The following CDC42BPB variants were observed in gnomAD, a reference collection of about 807,000 sequenced individuals.
CDC42BPB encodes CDC42 binding protein kinase beta.
Under a neutral mutation model 214.9 loss-of-function variants are expected in CDC42BPB, and 37 were observed. That is an observed-to-expected ratio of 0.17 (90% CI 0.13 to 0.23). The LOEUF is 0.23. CDC42BPB is among the 10% of genes least tolerant of loss of function. The probability of loss-of-function intolerance (pLI) is 1.00; values close to 1 mark genes in which losing one functional copy is unlikely to be tolerated. For synonymous variants in CDC42BPB, 931 were observed against 884.0 expected (o/e 1.05, Z -0.94); for missense variants, 1,694 against 2,227.0 (o/e 0.76, Z 4.82).
At position 102,946,675 on chromosome 14, in the gene CDC42BPB, A is replaced by T; in HGVS notation, c.3541T>A (p.Ser1181Thr). Residue 1181 changes from serine to threonine, a missense_variant, in exon 28 of 37, where the codon TCT (serine) becomes ACT (threonine). This residue lies in a region of CDC42BPB where 567 missense variants were observed against 790.3 expected (regional missense o/e 0.72). Transcript: ENST00000361246. ...DIPCIFRVTA[S>T]LLGAPSKTSS... ...GTCTTAGAAGGTGCACCTAAGAGAGAGGCCGTCACCTTCATGACAGGAAAC... is the reference window on the plus strand; with the variant it reads ...GTCTTAGAAGGTGCACCTAAGAGAGTGGCCGTCACCTTCATGACAGGAAAC... 1 of 1,612,710 alleles carries T rather than the reference A, an allele frequency of 6.2e-7. No individual in the cohort carries two copies. The highest frequency in any genetic ancestry group is 8.5e-7 in the Non-Finnish European group (1 of 1,179,910).
intron 18 of CDC42BPB, among the ~76,000 whole-genome samples, 180 bp downstream of exon 18, chr14:102,966,102 G>C (rs754440155): frequency 6.6e-6 from 1 of 152,234 alleles, no homozygotes; most frequent in African/African-American, 2.4e-5. Context: ...ATGCTGTCGA[G>C]AGAAGCCATG....
intron 1 of CDC42BPB, among the ~76,000 whole-genome samples, chr14:103,013,452 G>C (rs1281783647): frequency 6.6e-6 from 1 of 152,190 alleles, no homozygotes; most frequent in African/African-American, 2.4e-5. Flanking sequence ...GGTTTCTGTG[G>C]GCACTGTACT....
At chr14:103,043,013 T>C (rs1049408602) in intron 1 of CDC42BPB, among the ~76,000 whole-genome samples, 1 of 152,164 alleles carries the variant, frequency 6.6e-6, no homozygotes, top group African/African-American at 2.4e-5. Flanking sequence ...AAAAGGTACT[T>C]TGGGAGGCCC....
chr14:103,005,815 T>A (rs10150679), intron 3 of CDC42BPB, among the ~76,000 whole-genome samples: 5,153 of 149,652 alleles, frequency 0.034, 272 homozygotes, highest in African/African-American at 0.12. Flanking sequence ...AGGTCAGGAG[T>A]TCAAGACCAG....
In CDC42BPB at chr14:102,965,727, C is replaced by T. The variant is rs184631364; in HGVS notation, c.2577+555G>A. Among the ~76,000 whole-genome samples the T allele has an allele frequency of 3.7e-4, 56 of 152,220 alleles. No individual in the cohort carries two copies. The East Asian group carries it at 9.1e-3, about 25-fold the overall frequency. On this transcript the variant is annotated intron_variant, in intron 18 of 36. Transcript: ENST00000361246. ...ATCCCAGCACTTTGGGAGGCCGAAG[C>T]GGGCAGATCACCTGAGGTCAGGGGT...
chr14:102,947,069 C>G (rs1892214355), intron 27 of CDC42BPB, among the ~76,000 whole-genome samples: 2 of 152,366 alleles, frequency 1.3e-5, no homozygotes, highest in African/African-American at 4.8e-5. Context: ...TGAGCAGCCT[C>G]TGAGCACGCA....
intron 4 of CDC42BPB, among the ~76,000 whole-genome samples, chr14:103,002,803 C>A (rs1344666072): frequency 1.3e-5 from 2 of 152,164 alleles, no homozygotes; most frequent in Non-Finnish European, 2.9e-5. Context: ...CGGACGGGGA[C>A]CCCTGTGGGC....
At chr14:103,035,078 C>T (rs1323274789) in intron 1 of CDC42BPB, among the ~76,000 whole-genome samples, 1 of 149,114 alleles carries the variant, frequency 6.7e-6, no homozygotes, top group Admixed American at 6.6e-5. Flanking sequence ...TTTTTTGAGA[C>T]GGAGTTTCGC....
intron 1 of CDC42BPB, among the ~76,000 whole-genome samples, chr14:103,039,286 C>T (rs1447214714): frequency 8.2e-6 from 1 of 122,386 alleles, no homozygotes; most frequent in Non-Finnish European, 1.6e-5. Flanking sequence ...TATCTTGATA[C>T]CAAACCAAAA....
At chr14:102,992,039 CTA>C (rs1894516386) in intron 5 of CDC42BPB, among the ~76,000 whole-genome samples, 1 of 152,074 alleles carries the variant, frequency 6.6e-6, no homozygotes, top group Non-Finnish European at 1.5e-5. Context: ...GTGGCTGGGG[CTA>C]CCGTATTGAG....
intron 1 of CDC42BPB, among the ~76,000 whole-genome samples, chr14:103,024,978 A>C (rs534070040): frequency 3.3e-5 from 5 of 150,784 alleles, no homozygotes; most frequent in Non-Finnish European, 5.9e-5. Context: ...AATTAACTCC[A>C]CTCATTTTTC....
chr14:103,001,238 C>T lies in CDC42BPB; in HGVS notation c.448-1525G>A, dbSNP rs895068557. 1.3e-5 allele frequency among the ~76,000 whole-genome samples: 2 copies of T among 152,162 alleles called. No individual in the cohort carries two copies. The highest frequency in any genetic ancestry group is 2.9e-5 in the Non-Finnish European group (2 of 68,034). The stretch of plus-strand genomic sequence containing the variant: ...CGCCGAGTTTTTCAATTTGTTCATT[C>T]GCTCGTGCACCCTCACTGTGGCCCC... On this transcript the variant is annotated intron_variant, in intron 4 of 36. Coordinates refer to ENST00000361246, the MANE Select transcript of CDC42BPB (RefSeq NM_006035.4). The surrounding 1 kb of genome is among the most constrained non-coding windows in gnomAD (Gnocchi z 5.8).
chr14:103,034,854 A>C (rs1307241051), intron 1 of CDC42BPB, among the ~76,000 whole-genome samples: 1 of 151,622 alleles, frequency 6.6e-6, no homozygotes. Context: ...AGGGATGTAG[A>C]GGGGACTATG....
In CDC42BPB at chr14:102,986,226, T is replaced by C. The variant is rs1894242973; in HGVS notation, c.690+261A>G. On this transcript the variant is annotated intron_variant, in intron 6 of 36. Transcript: ENST00000361246. ...TGGCATGCTTTTAGCCACCTTGGGA[T>C]TGAGGAAACCTGACAACTCCCATTC... 3 of 381,498 alleles carry C rather than the reference T, an allele frequency of 7.9e-6. No homozygotes were observed. The South Asian group carries it at 8.1e-5, about 10-fold the overall frequency. The allele number at this position is 381,498 out of a possible 1,614,324, so 23.6% of individuals were successfully genotyped here.
At chr14:103,008,212 TTACAG>T (rs1885956242) in intron 3 of CDC42BPB, among the ~76,000 whole-genome samples, 1 of 152,210 alleles carries the variant, frequency 6.6e-6, no homozygotes, top group African/African-American at 2.4e-5. Flanking sequence ...TTATTTGCCT[TTACAG>T]TAAACAGGAC....
At chr14:103,022,218 T>TTGTCA (rs1158024750) in intron 1 of CDC42BPB, among the ~76,000 whole-genome samples, 1 of 152,090 alleles carries the variant, frequency 6.6e-6, no homozygotes, top group Non-Finnish European at 1.5e-5. Flanking sequence ...CAACCAGGAA[T>TTGTCA]TACCTACTGG....
intron 27 of CDC42BPB, chr14:102,946,898 C>G (rs938893692): frequency 1.0e-6 from 1 of 984,334 alleles, no homozygotes. Context: ...CCCGTGAGAT[C>G]GCTTCCTGGT....
intron 1 of CDC42BPB, among the ~76,000 whole-genome samples, chr14:103,022,615 T>C (rs1480734119): frequency 6.6e-6 from 1 of 152,156 alleles, no homozygotes; most frequent in Non-Finnish European, 1.5e-5. Flanking sequence ...AGCTGGCCCA[T>C]TCCCCACGGG....
chr14:103,056,455 T>C (rs1181167672), intron 1 of CDC42BPB, among the ~76,000 whole-genome samples: 2 of 151,318 alleles, frequency 1.3e-5, no homozygotes, highest in Admixed American at 6.6e-5. Flanking sequence ...CACGGGGCAG[T>C]GGGCGAGGCA....
Sources: gnomAD v4.1 joint callset for allele counts (sites outside exome capture counted in the v4.1 genomes callset) on GRCh38, gnomAD v4.1.1 for gene constraint, gnomAD v4.1.1 regional missense constraint, Gnocchi (gnomAD v3.1) non-coding constraint, MANE v1.5 for transcripts, NCBI Gene and HGNC (gene_info 2026-07-23, HGNC 2026-07-21) for gene names.